The following TOMM20L variants were observed in gnomAD, a reference collection of about 807,000 sequenced individuals.
The protein encoded by TOMM20L is TOMM20-like protein 1.
Under a neutral mutation model 20.4 loss-of-function variants are expected in TOMM20L, and 19 were observed. That is an observed-to-expected ratio of 0.93 (90% confidence interval 0.65 to 1.36). TOMM20L has a LOEUF of 1.36. Among genes scored for constraint, TOMM20L ranks in the 40% most tolerant of loss-of-function variants. The probability of loss-of-function intolerance (pLI) is 0.00; values close to 1 mark genes in which losing one functional copy is unlikely to be tolerated. For missense variants in TOMM20L, 218 were observed against 203.7 expected (o/e 1.07, Z -0.43); for synonymous variants, 75 against 79.6 (o/e 0.94, Z 0.30).
chr14:58,409,987 C>G (rs1406093406), downstream of TOMM20L, among the ~76,000 whole-genome samples: 1 of 151,428 alleles, frequency 6.6e-6, no homozygotes, highest in Non-Finnish European at 1.5e-5. Flanking sequence ...TACCTCAGCC[C>G]CTGGAGTAGC....
chr14:58,414,620 C>A, the TOMM20L span, among the ~76,000 whole-genome samples: 8 of 151,624 alleles, frequency 5.3e-5, no homozygotes, highest in Non-Finnish European at 1.2e-4. Context: ...TGCCTGTAAT[C>A]CCAGCTACTC....
chr14:58,412,490 C>G (rs1299535473), downstream of TOMM20L, among the ~76,000 whole-genome samples: 1 of 152,264 alleles, frequency 6.6e-6, no homozygotes, highest in Non-Finnish European at 1.5e-5. Context: ...CCCTGTCTAT[C>G]AAAATCTCCA....
intron 2 of TOMM20L, among the ~76,000 whole-genome samples, chr14:58,399,319 G>A (rs1042439784): frequency 2.0e-5 from 3 of 152,164 alleles, no homozygotes; most frequent in African/African-American, 7.2e-5. Flanking sequence ...TTTACCTGGA[G>A]CATCTGTTAA....
At chr14:58,413,745 C>A in the TOMM20L span, among the ~76,000 whole-genome samples, 1 of 152,030 alleles carries the variant, frequency 6.6e-6, no homozygotes, top group Non-Finnish European at 1.5e-5. Flanking sequence ...TGGTGGCTCA[C>A]GCCTGTAATC....
At chr14:58,414,087 A>C in the TOMM20L span, among the ~76,000 whole-genome samples, 1 of 151,360 alleles carries the variant, frequency 6.6e-6, no homozygotes, top group South Asian at 2.1e-4. Context: ...AGCATGTAAA[A>C]GGAAAACATG....
intron 2 of TOMM20L, among the ~76,000 whole-genome samples, chr14:58,398,178 C>G (rs1173228423): frequency 6.6e-6 from 1 of 152,160 alleles, no homozygotes; most frequent in Non-Finnish European, 1.5e-5. Flanking sequence ...TCGTCATTGT[C>G]CATGGTTTCA....
At chr14:58,415,039 CAA>C in the TOMM20L span, among the ~76,000 whole-genome samples, 1 of 152,168 alleles carries the variant, frequency 6.6e-6, no homozygotes, top group Non-Finnish European at 1.5e-5. Flanking sequence ...GGGAGAGTAA[CAA>C]AGCACTGTAG....
intron 2 of TOMM20L, among the ~76,000 whole-genome samples, chr14:58,399,378 G>A (rs988781094): frequency 2.0e-5 from 3 of 152,088 alleles, no homozygotes; most frequent in Admixed American, 1.3e-4. Context: ...CCAGTAGCCT[G>A]GGGAATTCTT....
At chr14:58,412,526 C>G (rs950895264), downstream of TOMM20L, among the ~76,000 whole-genome samples, 1 of 152,156 alleles carries the variant, frequency 6.6e-6, no homozygotes, top group Non-Finnish European at 1.5e-5. Flanking sequence ...GCTCTGCTAC[C>G]TTGCTAAGCT....
At chr14:58,398,563 TA>T (rs1423754040) in intron 2 of TOMM20L, 17 of 152,334 alleles carry the variant, frequency 1.1e-4, no homozygotes, top group Non-Finnish European at 1.8e-4. Flanking sequence ...ATTTTGGTTT[TA>T]TTTTTTAAAT....
At chr14:58,416,109 T>G in the TOMM20L span, among the ~76,000 whole-genome samples, 3 of 150,500 alleles carry the variant, frequency 2.0e-5, no homozygotes, top group Non-Finnish European at 3.0e-5. Flanking sequence ...ACACCTGTAA[T>G]CCCAGCTACT....
intron 3 of TOMM20L, among the ~76,000 whole-genome samples, chr14:58,404,557 T>C (rs949311773): frequency 6.6e-6 from 1 of 152,016 alleles, no homozygotes; most frequent in African/African-American, 2.4e-5. Flanking sequence ...CCAGGATTTA[T>C]AAAAACAAAG....
At chr14:58,414,518 A>G in the TOMM20L span, among the ~76,000 whole-genome samples, 3 of 152,066 alleles carry the variant, frequency 2.0e-5, no homozygotes, top group Admixed American at 2.0e-4. Flanking sequence ...CAGGTGGATC[A>G]CCTGAGGTCA....
downstream of TOMM20L, among the ~76,000 whole-genome samples, chr14:58,412,778 G>A (rs2036263134): frequency 6.6e-6 from 1 of 152,086 alleles, no homozygotes; most frequent in Non-Finnish European, 1.5e-5. Context: ...TCATGTGCCT[G>A]TGGTCCCAGC....
intron 3 of TOMM20L, among the ~76,000 whole-genome samples, chr14:58,406,458 CTAT>C (rs937669745): frequency 6.6e-6 from 1 of 152,098 alleles, no homozygotes; most frequent in Non-Finnish European, 1.5e-5. Flanking sequence ...TAATAAAAAT[CTAT>C]TATTATACTT....
In TOMM20L at chr14:58,396,082, G is replaced by T. The variant is rs752100979; in HGVS notation, c.125G>T (p.Arg42Leu). 6 of 1,393,576 alleles carry T rather than the reference G, an allele frequency of 4.3e-6. No individual in the cohort carries two copies. In the South Asian group the frequency reaches 9.6e-5, roughly 22 times the overall value. 86.3% of individuals were successfully genotyped at this position (1,393,576 alleles called of 1,614,324 possible). A position where few individuals can be genotyped will look rare whatever the true frequency, so the allele number is the denominator to read the frequency against. ...KRRGDPAFKRRLRDKRRAEPQ... is the reference protein window; with the variant it reads ...KRRGDPAFKRLLRDKRRAEPQ... ...CGCGGGGACCCCGCGTTCAAGCGCCGCCTGCGGGACAGTGAGTGGGACCGA... is the reference window on the plus strand; with the variant it reads ...CGCGGGGACCCCGCGTTCAAGCGCCTCCTGCGGGACAGTGAGTGGGACCGA... Residue 42 changes from arginine to leucine, a missense_variant, in exon 1 of 5, where the codon CGC becomes CTC. Transcript: ENST00000360945.
downstream of TOMM20L, chr14:58,409,220 T>A (rs753581007): frequency 3.6e-5 from 57 of 1,590,282 alleles, no homozygotes; most frequent in Non-Finnish European, 4.0e-5. Context: ...ATGAATTTTT[T>A]AAAATGCATG....
At chr14:58,410,823 G>T, downstream of TOMM20L, 5 of 1,552,686 alleles carry the variant, frequency 3.2e-6, no homozygotes, top group East Asian at 2.2e-5. Context: ...TAGAATTTTA[G>T]TGAGTAACAC....
At chr14:58,398,978 T>G (rs2140300040) in intron 2 of TOMM20L, 1 of 151,990 alleles carries the variant, frequency 6.6e-6, no homozygotes, top group Admixed American at 6.6e-5. Flanking sequence ...CCTCAACCCT[T>G]TTGGGGTTAG....
Sources: allele counts gnomAD v4.1 joint callset (sites outside exome capture counted in the v4.1 genomes callset), GRCh38; gene constraint gnomAD v4.1.1; transcripts MANE v1.5; gene names NCBI Gene and HGNC (gene_info 2026-07-23, HGNC 2026-07-21).